Variants in GAB2 observed in about 807,000 individuals in gnomAD.
GAB2 encodes the protein GRB2-associated-binding protein 2.
Under a neutral mutation model 65.5 loss-of-function variants are expected in GAB2, and 26 were observed. The observed-to-expected ratio is 0.40, with a 90% CI of 0.29 to 0.55. GAB2 has a LOEUF of 0.55. GAB2 is among the 20% of genes least tolerant of loss of function. The pLI is 0.53. For missense variants in GAB2, 884 were observed against 875.8 expected, an observed-to-expected ratio of 1.01 and a Z score of -0.12; for synonymous variants, 321 against 329.6, an observed-to-expected ratio of 0.97 and a Z score of 0.28.
chr11:78,320,836 G>T (rs1294715409), intron 1 of GAB2, among the ~76,000 whole-genome samples: 2 of 150,588 alleles, frequency 1.3e-5, no homozygotes, highest in Admixed American at 6.7e-5. Context: ...CTCCCAAAGT[G>T]CTGGGGTTAC....
intron 1 of GAB2, among the ~76,000 whole-genome samples, chr11:78,409,856 T>G (rs184884603): frequency 3.3e-5 from 5 of 152,236 alleles, no homozygotes; most frequent in African/African-American, 1.2e-4. Flanking sequence ...TAAAGCAAGA[T>G]AGACCACATT....
chr11:78,253,004 C>CTTTTTTTTTTT (rs984989129), intron 2 of GAB2, among the ~76,000 whole-genome samples: 2 of 106,948 alleles, frequency 1.9e-5, no homozygotes, highest in African/African-American at 4.2e-5. Context: ...AATATCTTTC[C>CTTTTTTTTTTT]TTTTTTTTTT....
chr11:78,345,488 GTCTC>G (rs1262426292), intron 1 of GAB2, among the ~76,000 whole-genome samples: 1 of 152,204 alleles, frequency 6.6e-6, no homozygotes, highest in African/African-American at 2.4e-5. Flanking sequence ...ACTCTGATCT[GTCTC>G]TCTGTAGCTA....
intron 1 of GAB2, among the ~76,000 whole-genome samples, chr11:78,396,345 A>G (rs1201951840): frequency 1.3e-5 from 2 of 152,266 alleles, no homozygotes; most frequent in African/African-American, 4.8e-5. Flanking sequence ...GTTAACGTGA[A>G]TTATATGGAT....
At chr11:78,341,060 G>A (rs1856085049) in intron 1 of GAB2, among the ~76,000 whole-genome samples, 1 of 152,156 alleles carries the variant, frequency 6.6e-6, no homozygotes, top group African/African-American at 2.4e-5. Flanking sequence ...TCAAGTTCAT[G>A]TGCCTGGCAT....
chr11:78,220,415 G>A lies in GAB2; in HGVS notation c.1791C>T (p.Pro597=). The part of the protein sequence containing the change: ...MQNPVSASPV[P]SGTNSPAPKK... Reference sequence around the variant, plus strand: ...TAGGGGCAGGACTGTTCGTGCCACTGGGAACGGGAGATGCAGACACTGGGT... The same window carrying A: ...TAGGGGCAGGACTGTTCGTGCCACTAGGAACGGGAGATGCAGACACTGGGT... The change falls in exon 9 of 10, where the codon CCC becomes CCT. Residue 597 remains proline, a synonymous_variant. Transcript: ENST00000361507. 1 of 1,590,384 alleles carries A rather than the reference G, an allele frequency of 6.3e-7. No individual in the cohort carries two copies. Among genetic ancestry groups the A allele is most frequent in the Non-Finnish European group, 8.6e-7 (1 of 1,162,256 alleles).
intron 1 of GAB2, among the ~76,000 whole-genome samples, chr11:78,328,696 T>C (rs949075307): frequency 1.4e-5 from 2 of 148,112 alleles, no homozygotes; most frequent in Non-Finnish European, 3.0e-5. Context: ...TGTATGATTC[T>C]GTTTCTATGA....
At chr11:78,359,350 C>G (rs1004136838) in intron 1 of GAB2, among the ~76,000 whole-genome samples, 1 of 152,168 alleles carries the variant, frequency 6.6e-6, no homozygotes, top group Non-Finnish European at 1.5e-5. Flanking sequence ...AAGAGATCAC[C>G]TGCAGAAGAA....
At chr11:78,379,880 G>A (rs559463731) in intron 1 of GAB2, among the ~76,000 whole-genome samples, 178 of 152,290 alleles carry the variant, frequency 1.2e-3, no homozygotes, top group African/African-American at 3.9e-3. Flanking sequence ...TGCAAAATAC[G>A]TGTCAGTAAC....
At chr11:78,358,282 C>T (rs1193916087) in intron 1 of GAB2, among the ~76,000 whole-genome samples, 7 of 111,632 alleles carry the variant, frequency 6.3e-5, no homozygotes, top group African/African-American at 2.5e-4. Context: ...ACATCACACA[C>T]CGGGGCCTGT....
rs1306796522 is a variant in GAB2 at position 78,342,701 on chromosome 11, C to T, written c.76-61800G>A. On this transcript the variant is annotated intron_variant, in intron 1 of 9. Transcript: ENST00000361507. Reference sequence around the variant, plus strand: ...GGGATTACAGGTGTGAACCACCGCGCCTGGCCTGCACTTCTTGTTAGATAT... The same window carrying T: ...GGGATTACAGGTGTGAACCACCGCGTCTGGCCTGCACTTCTTGTTAGATAT... Among the ~76,000 whole-genome samples, 7 of 152,320 alleles carry T rather than the reference C, an allele frequency of 4.6e-5. 1 individual carries two copies. The East Asian group carries it at 1.4e-3, about 29-fold the overall frequency.
intron 1 of GAB2, among the ~76,000 whole-genome samples, chr11:78,319,611 C>T (rs1162518502): frequency 6.6e-6 from 1 of 152,196 alleles, no homozygotes. Flanking sequence ...CACCCATGTT[C>T]ACAACCTAAA....
At chr11:78,231,852 A>G (rs1376486585) in intron 3 of GAB2, 5 of 152,264 alleles carry the variant, frequency 3.3e-5, no homozygotes, top group Non-Finnish European at 7.3e-5. Context: ...GTGACTTAAT[A>G]TAAAATGCTT....
At chr11:78,363,588 T>A (rs1237012307) in intron 1 of GAB2, among the ~76,000 whole-genome samples, 109 of 146,306 alleles carry the variant, frequency 7.5e-4, no homozygotes, top group African/African-American at 2.5e-3. Flanking sequence ...TATATTTTCT[T>A]TTTTTTTTTT....
At chr11:78,296,558 A>G (rs1403277566) in intron 1 of GAB2, among the ~76,000 whole-genome samples, 2 of 152,188 alleles carry the variant, frequency 1.3e-5, no homozygotes, top group African/African-American at 4.8e-5. Context: ...AATCACCAAC[A>G]AAAAGCACAA....
At chr11:78,346,989 C>T (rs1235983062) in intron 1 of GAB2, among the ~76,000 whole-genome samples, 1 of 151,762 alleles carries the variant, frequency 6.6e-6, no homozygotes, top group Admixed American at 6.6e-5. Flanking sequence ...AGCAGACTGA[C>T]TCACTATTTG....
chr11:78,312,230 A>T (rs1304596737), intron 1 of GAB2, among the ~76,000 whole-genome samples: 2 of 151,964 alleles, frequency 1.3e-5, no homozygotes, highest in Non-Finnish European at 2.9e-5. Flanking sequence ...CTTCAATAAG[A>T]AAGTAAGAGG....
intron 2 of GAB2, among the ~76,000 whole-genome samples, chr11:78,255,661 T>C (rs115081523): frequency 0.011 from 1,677 of 152,118 alleles, 26 homozygotes; most frequent in African/African-American, 0.039. Flanking sequence ...CCAACTTGGG[T>C]TTGGTGCTGT....
chr11:78,226,517 G>T lies in GAB2; in HGVS notation c.1155C>A (p.Thr385=), dbSNP rs753851144. Reference sequence around the variant, plus strand: ...CAGGGAGGGTGTTGCGTCTGGGGATGGTGGCAGCGACAGATCTGCTATTTT... The same window carrying T: ...CAGGGAGGGTGTTGCGTCTGGGGATTGTGGCAGCGACAGATCTGCTATTTT... ...ISENSRSVAA[T]IPRRNTLPAM... The change falls in exon 4 of 10, where the codon ACC becomes ACA. Residue 385 remains threonine, a synonymous_variant. Coordinates refer to ENST00000361507, the MANE Select transcript of GAB2 (RefSeq NM_080491.3). 1 of 1,613,842 alleles carries T rather than the reference G, an allele frequency of 6.2e-7. No individual in the cohort carries two copies. The highest frequency in any genetic ancestry group is 8.5e-7 in the Non-Finnish European group (1 of 1,179,924).
Sources: allele counts gnomAD v4.1 joint callset (sites outside exome capture counted in the v4.1 genomes callset), GRCh38; gene constraint gnomAD v4.1.1; transcripts MANE v1.5; gene names NCBI Gene and HGNC (gene_info 2026-07-23, HGNC 2026-07-21).